The following DPYSL5 variants were observed in gnomAD, a reference collection of about 807,000 sequenced individuals.
DPYSL5 encodes dihydropyrimidinase like 5.
DPYSL5 carries 9 observed loss-of-function variants against 58.4 expected under a neutral mutation model. The ratio of observed to expected loss-of-function variants is 0.15; its 90% CI spans 0.09 to 0.27. The LOEUF (loss-of-function observed/expected upper bound fraction) is 0.27. DPYSL5 is among the 10% of genes least tolerant of loss of function. The pLI is 1.00. For missense variants in DPYSL5, 499 were observed against 770.6 expected (o/e 0.65, Z 4.17); for synonymous variants, 293 against 301.9 (o/e 0.97, Z 0.31).
chr2:26,903,684 G>A (rs1664217406), intron 2 of DPYSL5, among the ~76,000 whole-genome samples: 1 of 151,546 alleles, frequency 6.6e-6, no homozygotes, highest in Admixed American at 6.6e-5. Flanking sequence ...GGCCTGTCTT[G>A]TTTTGACCTT....
At chr2:26,866,374 T>C (rs1399787487) in intron 1 of DPYSL5, among the ~76,000 whole-genome samples, 1 of 152,094 alleles carries the variant, frequency 6.6e-6, no homozygotes, top group African/African-American at 2.4e-5. Flanking sequence ...GTAAATGATA[T>C]CGTAAGGAAG....
Position 26,942,900 on chromosome 2 carries a change from C to A in DPYSL5, c.1440+150C>A. On this transcript the variant is annotated intron_variant, in intron 11 of 12. Transcript: ENST00000288699. The surrounding 1 kb of genome is among the most constrained non-coding windows in gnomAD (Gnocchi z 5.9). ...CCAGCGTTGAGAGGGGAGTGTGCGG[C>A]AGCGCCAGGGAACGCTAGAGTCAGA... The A allele has an allele frequency of 1.1e-6, 1 of 911,600 alleles. No individual in the cohort carries two copies. The highest frequency in any genetic ancestry group is 1.6e-6 in the Non-Finnish European group (1 of 610,434). 56.5% of individuals were successfully genotyped at this position (911,600 alleles called of 1,614,324 possible). A position where few individuals can be genotyped will look rare whatever the true frequency, so the allele number is the denominator to read the frequency against.
chr2:26,852,835 G>A (rs1277271411), intron 1 of DPYSL5, among the ~76,000 whole-genome samples: 9 of 152,158 alleles, frequency 5.9e-5, no homozygotes, highest in African/African-American at 1.9e-4. Flanking sequence ...AGGCTTACAT[G>A]TGTTAATGGT....
rs1664846302 is a variant in DPYSL5 at position 26,927,126 on chromosome 2, G to A, written c.421-127G>A. ...TGGGAGGAAAGTGAGATAGAGAGGTGTGGGGGGTCAACCGACAGACTGAGC... is the reference window on the plus strand; with the variant it reads ...TGGGAGGAAAGTGAGATAGAGAGGTATGGGGGGTCAACCGACAGACTGAGC... On this transcript the variant is annotated intron_variant, in intron 3 of 12. Coordinates refer to ENST00000288699, the MANE Select transcript of DPYSL5 (RefSeq NM_020134.4). This position sits in a 1 kb window ranked among gnomAD's most constrained non-coding sequence, Gnocchi z 4.3. 2 of 944,486 alleles carry A rather than the reference G, an allele frequency of 2.1e-6. No individual in the cohort carries two copies. The highest frequency in any genetic ancestry group is 2.6e-5 in the Admixed American group (1 of 37,750). 58.5% of individuals were successfully genotyped at this position (944,486 alleles called of 1,614,324 possible).
chr2:26,885,821 C>A (rs1178428747), intron 1 of DPYSL5, among the ~76,000 whole-genome samples: 1 of 152,184 alleles, frequency 6.6e-6, no homozygotes, highest in Non-Finnish European at 1.5e-5. Flanking sequence ...CAGTTCCTTG[C>A]CCCAGGGTTG....
intron 1 of DPYSL5, among the ~76,000 whole-genome samples, chr2:26,856,742 A>G (rs1054187614): frequency 2.0e-5 from 3 of 151,932 alleles, no homozygotes; most frequent in African/African-American, 7.2e-5. Context: ...GAAGTATACA[A>G]TGCAGCTGTT....
At chr2:26,917,923 G>A (rs984428613) in intron 2 of DPYSL5, among the ~76,000 whole-genome samples, 1 of 152,048 alleles carries the variant, frequency 6.6e-6, no homozygotes, top group Non-Finnish European at 1.5e-5. Context: ...ATCACCTGAG[G>A]TCAGGAGTTC....
At chr2:26,931,209 A>G (rs1423404830) in intron 5 of DPYSL5, among the ~76,000 whole-genome samples, 2,325 of 64,232 alleles carry the variant, frequency 0.036, 45 homozygotes, top group Admixed American at 0.067. Flanking sequence ...GTGTGTATAT[A>G]TATATATATA....
chr2:26,930,371 CA>C (rs1664939640), intron 5 of DPYSL5, among the ~76,000 whole-genome samples: 1 of 152,208 alleles, frequency 6.6e-6, no homozygotes, highest in African/African-American at 2.4e-5. Context: ...GGGTCTATGC[CA>C]GGGGAGATGT....
At chr2:26,897,415 G>A (rs1381412552) in intron 1 of DPYSL5, among the ~76,000 whole-genome samples, 1 of 152,250 alleles carries the variant, frequency 6.6e-6, no homozygotes, top group East Asian at 1.9e-4. Context: ...CAGTTGATAC[G>A]ATTTTATGAT....
intron 1 of DPYSL5, among the ~76,000 whole-genome samples, chr2:26,872,061 TG>T (rs1663274733): frequency 6.6e-6 from 1 of 152,108 alleles, no homozygotes; most frequent in Admixed American, 6.6e-5. Context: ...GAAAGAGAAC[TG>T]GAAAGGGAAC....
intron 1 of DPYSL5, among the ~76,000 whole-genome samples, chr2:26,878,344 TA>T (rs1663464917): frequency 6.6e-6 from 1 of 152,206 alleles, no homozygotes; most frequent in South Asian, 2.1e-4. Context: ...TTTATTGTAG[TA>T]TTTTTTTGTC....
At chr2:26,876,961 C>CTT (rs10707678) in intron 1 of DPYSL5, among the ~76,000 whole-genome samples, 98 of 112,202 alleles carry the variant, frequency 8.7e-4, no homozygotes, top group Non-Finnish European at 1.1e-3. Flanking sequence ...TCCACAGCCA[C>CTT]TTTTTTTTTT....
intron 1 of DPYSL5, among the ~76,000 whole-genome samples, chr2:26,892,130 T>A (rs189607372): frequency 5.3e-5 from 8 of 152,358 alleles, no homozygotes; most frequent in African/African-American, 1.9e-4. Context: ...GACCTAAATC[T>A]GAAGCCCATC....
intron 1 of DPYSL5, among the ~76,000 whole-genome samples, chr2:26,894,841 G>A (rs1663973044): frequency 6.6e-6 from 1 of 152,212 alleles, no homozygotes; most frequent in Non-Finnish European, 1.5e-5. Context: ...CAGAGGTCAA[G>A]ATCTTCTGTG....
At chr2:26,945,590 G>A (rs749842270) in intron 12 of DPYSL5, among the ~76,000 whole-genome samples, 1 of 146,848 alleles carries the variant, frequency 6.8e-6, no homozygotes, top group African/African-American at 2.5e-5. Context: ...GAGGCTGTAA[G>A]ATGCCTCGGG....
Position 26,928,282 on chromosome 2 carries a change from A to T in DPYSL5, c.628A>T (p.Ile210Phe), listed in dbSNP as rs1249643195. Residue 210 changes from isoleucine (I) to phenylalanine (F), a missense_variant, in exon 5 of 13, where the codon ATC (isoleucine) becomes TTC (phenylalanine). By Grantham distance (21) the Ile-to-Phe change is conservative (BLOSUM62 0). Around this residue, in one of 3 missense-constraint regions of DPYSL5, gnomAD observed 404 missense variants for 647.6 expected, o/e 0.62. Transcript: ENST00000288699. ...TGCTAAGGAGGCACTGGATTTGGGGATCACAGGCCCAGAAGGAATCGAGAT... is the reference window on the plus strand; with the variant it reads ...TGCTAAGGAGGCACTGGATTTGGGGTTCACAGGCCCAGAAGGAATCGAGAT... Reference protein sequence around the residue: ...EGAKEALDLGITGPEGIEISR... With the variant: ...EGAKEALDLGFTGPEGIEISR... 1 of 1,613,822 alleles carries T rather than the reference A, an allele frequency of 6.2e-7. No individual in the cohort carries two copies. Among genetic ancestry groups the T allele is most frequent in the Non-Finnish European group, 8.5e-7 (1 of 1,179,966 alleles).
intron 1 of DPYSL5, among the ~76,000 whole-genome samples, chr2:26,883,975 G>A (rs1294098749): frequency 6.6e-6 from 1 of 152,178 alleles, no homozygotes; most frequent in African/African-American, 2.4e-5. Flanking sequence ...CTGGCAGTGG[G>A]TGTGAGCCCT....
At chr2:26,870,070 T>C (rs1177823243) in intron 1 of DPYSL5, among the ~76,000 whole-genome samples, 1 of 152,216 alleles carries the variant, frequency 6.6e-6, no homozygotes, top group East Asian at 1.9e-4. Context: ...TGAGGATTAA[T>C]TTTCTATCTT....
Sources: gnomAD v4.1 joint callset for allele counts (sites outside exome capture counted in the v4.1 genomes callset) on GRCh38, gnomAD v4.1.1 for gene constraint, gnomAD v4.1.1 regional missense constraint, Gnocchi (gnomAD v3.1) non-coding constraint, MANE v1.5 for transcripts, NCBI Gene and HGNC (gene_info 2026-07-23, HGNC 2026-07-21) for gene names.